OSBPL10: variants seen among roughly 807,000 people sequenced by gnomAD.
OSBPL10 encodes oxysterol-binding protein-related protein 10.
OSBPL10 carries 49 observed loss-of-function variants against 81.7 expected under a neutral mutation model. The ratio of observed to expected loss-of-function variants is 0.60; its 90% CI spans 0.48 to 0.76. The LOEUF is 0.76. Among genes scored for constraint, OSBPL10 ranks in the 30% least tolerant of loss-of-function variants. OSBPL10 has a pLI of 0.00. For missense variants in OSBPL10, 923 were observed against 987.8 expected (o/e 0.93, Z 0.88); for synonymous variants, 419 against 383.6 (o/e 1.09, Z -1.08).
chr3:32,034,831 G>C (rs115085216), intron 2 of OSBPL10, among the ~76,000 whole-genome samples: 1,655 of 152,232 alleles, frequency 0.011, 41 homozygotes, highest in African/African-American at 0.037. Flanking sequence ...TGAAAATCAG[G>C]CTTAATCAAT....
intron 1 of OSBPL10, among the ~76,000 whole-genome samples, chr3:31,930,367 T>A (rs1697206273): frequency 6.6e-6 from 1 of 152,212 alleles, no homozygotes; most frequent in Non-Finnish European, 1.5e-5. Context: ...TCTATTTTGC[T>A]AATGGAAGTG....
intron 1 of OSBPL10, among the ~76,000 whole-genome samples, chr3:31,950,116 A>G (rs891450336): frequency 2.0e-5 from 3 of 152,242 alleles, no homozygotes; most frequent in African/African-American, 7.2e-5. Context: ...AGCATAATTA[A>G]GAGAATATGG....
chr3:32,068,121 C>G (rs1289102504), intron 1 of OSBPL10, among the ~76,000 whole-genome samples: 1 of 152,178 alleles, frequency 6.6e-6, no homozygotes, highest in African/African-American at 2.4e-5. Context: ...TCCCTTCAAT[C>G]TCTCTTTCCT....
At chr3:31,975,351 C>G (rs912340240) in intron 1 of OSBPL10, among the ~76,000 whole-genome samples, 1 of 152,114 alleles carries the variant, frequency 6.6e-6, no homozygotes, top group African/African-American at 2.4e-5. Context: ...GATTTTCAAC[C>G]CTGGTATCAC....
At chr3:31,740,715 T>C (rs1697314738) in intron 5 of OSBPL10, among the ~76,000 whole-genome samples, 1 of 151,638 alleles carries the variant, frequency 6.6e-6, no homozygotes, top group Admixed American at 6.6e-5. Context: ...TAGACTGCAC[T>C]ATGATTGTGC....
intron 1 of OSBPL10, among the ~76,000 whole-genome samples, chr3:31,921,701 G>A (rs1313130345): frequency 1.3e-5 from 2 of 152,204 alleles, no homozygotes; most frequent in Non-Finnish European, 2.9e-5. Flanking sequence ...TCAAGAAGGA[G>A]GAGTTTAACT....
At chr3:32,058,550 C>T (rs1651935794) in intron 1 of OSBPL10, among the ~76,000 whole-genome samples, 1 of 152,204 alleles carries the variant, frequency 6.6e-6, no homozygotes, top group Non-Finnish European at 1.5e-5. Context: ...TTGTCTCGAA[C>T]TCCTGACCTC....
At chr3:31,999,359 C>CTTTTT (rs5847729) in intron 2 of OSBPL10, among the ~76,000 whole-genome samples, 2 of 125,862 alleles carry the variant, frequency 1.6e-5, no homozygotes, top group East Asian at 2.2e-4. Flanking sequence ...ATATCAAAAT[C>CTTTTT]TTTTTTTTTT....
chr3:31,668,509 TA>T, intron 10 of OSBPL10, 132 bp downstream of exon 10: 1 of 799,942 alleles, frequency 1.3e-6, no homozygotes, highest in Non-Finnish European at 1.8e-6. Flanking sequence ...TTAAAATATC[TA>T]AAGAAGCCAG....
At chr3:31,961,372 C>G (rs752815400) in intron 1 of OSBPL10, among the ~76,000 whole-genome samples, 1 of 152,020 alleles carries the variant, frequency 6.6e-6, no homozygotes, top group African/African-American at 2.4e-5. Context: ...GGAAAGCTAG[C>G]GTCTCTGATT....
chr3:31,870,421 G>GC (rs1293843560), intron 3 of OSBPL10, among the ~76,000 whole-genome samples: 4 of 152,222 alleles, frequency 2.6e-5, no homozygotes, highest in Non-Finnish European at 5.9e-5. Flanking sequence ...CTCCTGTGCG[G>GC]CCCGAGCCTC....
chr3:31,875,169 A>G (rs745981029), intron 3 of OSBPL10, among the ~76,000 whole-genome samples: 7 of 151,992 alleles, frequency 4.6e-5, no homozygotes, highest in Non-Finnish European at 1.0e-4. Flanking sequence ...ACAGTTATAT[A>G]TACATACACA....
chr3:31,775,205 C>A (rs1258328377), intron 4 of OSBPL10, among the ~76,000 whole-genome samples: 1 of 151,808 alleles, frequency 6.6e-6, no homozygotes, highest in African/African-American at 2.4e-5. Flanking sequence ...GAAGGAAGTG[C>A]TAGAGGTTCA....
chr3:31,684,439 A>G (rs1700739475), intron 7 of OSBPL10, among the ~76,000 whole-genome samples: 1 of 152,218 alleles, frequency 6.6e-6, no homozygotes, highest in South Asian at 2.1e-4. Flanking sequence ...TAGAGATGTG[A>G]AGAAAACAGC....
At position 31,721,130 on chromosome 3, in the gene OSBPL10, T is replaced by G. The variant is rs574106246; in HGVS notation, c.1095+12127A>C. Among the ~76,000 whole-genome samples the G allele has an allele frequency of 2.6e-5, 4 of 152,252 alleles. No individual in the cohort carries two copies. The East Asian group carries it at 7.7e-4, about 29-fold the overall frequency. On this transcript the variant is annotated intron_variant, in intron 6 of 11. Transcript: ENST00000396556. ...ACTACGGAAGCAGGGTCAATGCTGT[T>G]GGCTCTGAAGATGGAGCAATGGGCC...
intron 3 of OSBPL10, among the ~76,000 whole-genome samples, chr3:31,874,164 A>C (rs1334166599): frequency 6.6e-6 from 1 of 151,638 alleles, no homozygotes; most frequent in South Asian, 2.1e-4. Context: ...CTTCTCTACA[A>C]TGATTCATCA....
chr3:31,927,715 C>G (rs1372467301), intron 1 of OSBPL10, among the ~76,000 whole-genome samples: 1 of 152,130 alleles, frequency 6.6e-6, no homozygotes, highest in Non-Finnish European at 1.5e-5. Context: ...GTATATCTAC[C>G]GCTGGCCTTC....
intron 3 of OSBPL10, among the ~76,000 whole-genome samples, chr3:31,867,523 C>T (rs1701209497): frequency 6.6e-6 from 1 of 152,152 alleles, no homozygotes; most frequent in Non-Finnish European, 1.5e-5. Context: ...GGGTGGATCA[C>T]TTGAGGTCGG....
rs760643832 is a variant in OSBPL10 at position 31,989,242 on chromosome 3, G to A, written n.298+57249C>T. 1.9e-6 allele frequency: 3 copies of A among 1,614,160 alleles called. No homozygotes were observed. In the South Asian group the frequency reaches 3.3e-5, roughly 18 times the overall value. On this transcript the variant is annotated intron_variant and non_coding_transcript_variant, in intron 2 of 3. Transcript: ENST00000479173. ...GGCTTTATACAGGGCCATGATGTTG[G>A]AGAACTACAGGAACCTGCATTCTGT...
Sources: gnomAD v4.1 joint callset for allele counts (sites outside exome capture counted in the v4.1 genomes callset) on GRCh38, gnomAD v4.1.1 for gene constraint, MANE v1.5 for transcripts, NCBI Gene and HGNC (gene_info 2026-07-23, HGNC 2026-07-21) for gene names.